CCDC169: variants seen among roughly 807,000 people sequenced by gnomAD.
CCDC169 encodes coiled-coil domain containing 169, also known as coiled-coil domain-containing protein 169.
Under a neutral mutation model 36.0 loss-of-function variants are expected in CCDC169, and 30 were observed. The ratio of observed to expected loss-of-function variants is 0.83; its 90% CI spans 0.62 to 1.13. The LOEUF is 1.13. Among genes scored for constraint, CCDC169 ranks in the 50% most tolerant of loss-of-function variants. The probability of loss-of-function intolerance (pLI) is 0.00; values close to 1 mark genes in which losing one functional copy is unlikely to be tolerated. For synonymous variants in CCDC169, 85 were observed against 81.5 expected (o/e 1.04, Z -0.23); for missense variants, 245 against 245.9 (o/e 1.00, Z 0.03).
chr13:36,264,275 G>A (rs1874983957), intron 4 of CCDC169, among the ~76,000 whole-genome samples: 1 of 151,978 alleles, frequency 6.6e-6, no homozygotes, highest in Non-Finnish European at 1.5e-5. Context: ...GTTTTTAAAA[G>A]AAGTTGATCA....
chr13:36,272,291 CTTTAAG>C (rs746607833), intron 4 of CCDC169, among the ~76,000 whole-genome samples: 5 of 151,306 alleles, frequency 3.3e-5, no homozygotes, highest in Non-Finnish European at 7.4e-5. Flanking sequence ...CATCAGGGAA[CTTTAAG>C]TTGAAGTCAG....
intron 4 of CCDC169, among the ~76,000 whole-genome samples, chr13:36,279,347 C>T (rs1718080560): frequency 6.6e-6 from 1 of 152,196 alleles, no homozygotes; most frequent in Admixed American, 6.5e-5. Flanking sequence ...TTTCCAGCTT[C>T]ATCGCTCATC....
intron 4 of CCDC169, among the ~76,000 whole-genome samples, chr13:36,255,880 A>G (rs1482720845): frequency 2.0e-5 from 3 of 152,066 alleles, no homozygotes; most frequent in Non-Finnish European, 4.4e-5. Flanking sequence ...TGCTTCCCCA[A>G]TCCCCATTCA....
intron 4 of CCDC169, among the ~76,000 whole-genome samples, chr13:36,274,050 T>C (rs912927): frequency 0.25 from 38,724 of 152,092 alleles, 5,213 homozygotes; most frequent in East Asian, 0.49. Flanking sequence ...ACCCACTTCA[T>C]TCTCCTTCTC....
chr13:36,255,229 T>TCGGG (rs1265950092), intron 4 of CCDC169, among the ~76,000 whole-genome samples: 1 of 152,146 alleles, frequency 6.6e-6, no homozygotes, highest in Non-Finnish European at 1.5e-5. Flanking sequence ...AAGTCTCTGG[T>TCGGG]CGGGGTCCAG....
intron 4 of CCDC169, among the ~76,000 whole-genome samples, chr13:36,266,625 G>A (rs1268935012): frequency 6.6e-6 from 1 of 152,162 alleles, no homozygotes; most frequent in Admixed American, 6.6e-5. Context: ...CCTCTTATGA[G>A]GCTACCACCA....
In CCDC169 at chr13:36,248,607, T is replaced by C. The variant is rs1279293305; in HGVS notation, c.544A>G (p.Thr182Ala). ...AAGAAAATATATAGCTAGACTTACGTTTTCACTAGATTCTCTTGCATCCTA... is the reference window on the plus strand; with the variant it reads ...AAGAAAATATATAGCTAGACTTACGCTTTCACTAGATTCTCTTGCATCCTA... Reference protein sequence around the residue: ...LPRMQENLVKTGRYNPAKQKT... With the variant: ...LPRMQENLVKAGRYNPAKQKT... Residue 182 changes from threonine to alanine, a missense_variant and splice_region_variant, in exon 7 of 8, where the codon ACT becomes GCT. Coordinates refer to ENST00000239859, the MANE Select transcript of CCDC169 (RefSeq NM_001144981.3). The C allele has an allele frequency of 6.5e-7, 1 of 1,549,088 alleles. No homozygotes were observed. Among genetic ancestry groups the C allele is most frequent in the South Asian group, 1.2e-5 (1 of 83,818 alleles).
At chr13:36,242,182 T>A (rs1177305513) in intron 7 of CCDC169, among the ~76,000 whole-genome samples, 5 of 152,210 alleles carry the variant, frequency 3.3e-5, no homozygotes, top group Non-Finnish European at 7.3e-5. Context: ...AACAAACTAA[T>A]ACAATATTCC....
chr13:36,292,694 G>A (rs1041183069), intron 2 of CCDC169, among the ~76,000 whole-genome samples: 3 of 152,164 alleles, frequency 2.0e-5, no homozygotes, highest in African/African-American at 7.2e-5. Flanking sequence ...AATGGGGCAG[G>A]GACAGGGGAT....
At chr13:36,285,656 T>C (rs1440970833) in intron 2 of CCDC169, among the ~76,000 whole-genome samples, 1 of 152,190 alleles carries the variant, frequency 6.6e-6, no homozygotes, top group African/African-American at 2.4e-5. Context: ...CATAGATAGA[T>C]AGACCGACCT....
At chr13:36,238,737 T>C (rs1871380234) in intron 7 of CCDC169, among the ~76,000 whole-genome samples, 2 of 152,150 alleles carry the variant, frequency 1.3e-5, no homozygotes, top group Admixed American at 1.3e-4. Context: ...GTCTGAATAA[T>C]AACTAACTAA....
intron 4 of CCDC169, among the ~76,000 whole-genome samples, chr13:36,266,651 A>G (rs1041224091): frequency 1.1e-4 from 17 of 152,182 alleles, no homozygotes; most frequent in African/African-American, 3.9e-4. Flanking sequence ...TTCTCGTTTC[A>G]CATACTTGTT....
chr13:36,287,778 A>T (rs1212456020), intron 2 of CCDC169, among the ~76,000 whole-genome samples: 1 of 152,222 alleles, frequency 6.6e-6, no homozygotes, highest in East Asian at 1.9e-4. Flanking sequence ...GTGTGTATAC[A>T]AAGGTGTCAA....
intron 4 of CCDC169, chr13:36,281,159 C>A: frequency 2.7e-6 from 1 of 372,994 alleles, no homozygotes; most frequent in Non-Finnish European, 5.2e-6. Flanking sequence ...GGACAAAAGC[C>A]ACTCACAAAT....
intron 4 of CCDC169, among the ~76,000 whole-genome samples, chr13:36,261,545 C>G (rs1024652675): frequency 3.9e-5 from 6 of 152,158 alleles, no homozygotes; most frequent in South Asian, 4.1e-4. Flanking sequence ...TTTTTTCACT[C>G]AAAAGGGCTC....
At chr13:36,227,010 A>T (rs1262815301), downstream of CCDC169, 2 of 425,150 alleles carry the variant, frequency 4.7e-6, no homozygotes, top group Non-Finnish European at 8.3e-6. Flanking sequence ...AAAAAAGTAA[A>T]AATAAAAAGA....
At chr13:36,255,659 T>TA (rs3083965) in intron 4 of CCDC169, among the ~76,000 whole-genome samples, 40,346 of 124,422 alleles carry the variant, frequency 0.32, 6,610 homozygotes, top group Non-Finnish European at 0.36. Context: ...CAAGGCTCCA[T>TA]AAAAAAAAAA....
In CCDC169 at chr13:36,295,836, T is replaced by C. The variant is rs1879413065; in HGVS notation, c.105A>G (p.Ile35Met). The change falls in exon 2 of 8, where the codon ATA becomes ATG. Residue 35 changes from isoleucine (I) to methionine (M), a missense_variant. Coordinates refer to ENST00000239859, the MANE Select transcript of CCDC169 (RefSeq NM_001144981.3). ...CCGTAATCTTGTGTCTTAGTTCAAA[T>C]ATTGAGAGTTGCACTGCATCCCTGT... Reference protein sequence around the residue: ...VRKKDAVQLSIFELRHKITEL... With the variant: ...VRKKDAVQLSMFELRHKITEL... 1 of 1,541,428 alleles carries C rather than the reference T, an allele frequency of 6.5e-7. No individual in the cohort carries two copies. Among genetic ancestry groups the C allele is most frequent in the South Asian group, 1.2e-5 (1 of 83,124 alleles).
At chr13:36,260,999 A>G (rs1283019284) in intron 4 of CCDC169, among the ~76,000 whole-genome samples, 2 of 152,166 alleles carry the variant, frequency 1.3e-5, no homozygotes, top group Non-Finnish European at 2.9e-5. Flanking sequence ...TACTGACTTG[A>G]TAACTGGGGA....
Sources: allele counts gnomAD v4.1 joint callset (sites outside exome capture counted in the v4.1 genomes callset), GRCh38; gene constraint gnomAD v4.1.1; transcripts MANE v1.5; gene names NCBI Gene and HGNC (gene_info 2026-07-23, HGNC 2026-07-21).